The following PITPNC1 variants were observed in gnomAD, a reference collection of about 807,000 sequenced individuals.
PITPNC1 encodes the protein cytoplasmic phosphatidylinositol transfer protein 1.
Under a neutral mutation model 44.7 loss-of-function variants are expected in PITPNC1, and 18 were observed. The ratio of observed to expected loss-of-function variants is 0.40; its 90% CI spans 0.28 to 0.60. PITPNC1 has a LOEUF of 0.60. Ranked by LOEUF, PITPNC1 falls within the 20% of genes least tolerant of loss-of-function variation. The probability of loss-of-function intolerance (pLI) is 0.39; values close to 1 mark genes in which losing one functional copy is unlikely to be tolerated. For synonymous variants in PITPNC1, 141 were observed against 149.6 expected, an observed-to-expected ratio of 0.94 and a Z score of 0.42; for missense variants, 290 against 418.4, an observed-to-expected ratio of 0.69 and a Z score of 2.68.
chr17:67,389,550 T>C (rs1319117584), intron 1 of PITPNC1, among the ~76,000 whole-genome samples: 2 of 152,198 alleles, frequency 1.3e-5, no homozygotes, highest in South Asian at 2.1e-4. Flanking sequence ...CAGAGGACAC[T>C]GGAGAGGTTT....
At chr17:67,483,078 T>G (rs1232616699) in intron 1 of PITPNC1, among the ~76,000 whole-genome samples, 1 of 152,196 alleles carries the variant, frequency 6.6e-6, no homozygotes, top group Non-Finnish European at 1.5e-5. Flanking sequence ...CCTCCTGATC[T>G]GCAGGAGTGA....
intron 1 of PITPNC1, among the ~76,000 whole-genome samples, chr17:67,433,964 G>C (rs554281134): frequency 6.6e-6 from 1 of 152,242 alleles, no homozygotes; most frequent in East Asian, 1.9e-4. Flanking sequence ...AGAGGTACAG[G>C]CTGGATGGGA....
At chr17:67,386,731 T>C (rs780776658) in intron 1 of PITPNC1, among the ~76,000 whole-genome samples, 55 of 152,188 alleles carry the variant, frequency 3.6e-4, no homozygotes, top group Non-Finnish European at 5.9e-4. Context: ...CTGGCTTGTG[T>C]GGGCTTTGGC....
intron 6 of PITPNC1, among the ~76,000 whole-genome samples, chr17:67,655,645 A>G (rs568276603): frequency 1.3e-5 from 2 of 151,656 alleles, no homozygotes; most frequent in South Asian, 2.1e-4. Flanking sequence ...TTAAGTTTCA[A>G]CATATGGGTT....
chr17:67,457,199 G>T (rs2039266679), intron 1 of PITPNC1: 1 of 152,178 alleles, frequency 6.6e-6, no homozygotes, highest in Middle Eastern at 3.4e-3. Flanking sequence ...TTGGAATAGT[G>T]CACTACAGCC....
At chr17:67,429,308 G>A (rs570940216) in intron 1 of PITPNC1, among the ~76,000 whole-genome samples, 2 of 152,302 alleles carry the variant, frequency 1.3e-5, no homozygotes, top group South Asian at 4.1e-4. Flanking sequence ...TAGGACAGTG[G>A]TTGCCAGTCT....
intron 1 of PITPNC1, among the ~76,000 whole-genome samples, chr17:67,499,935 A>G (rs1402518002): frequency 1.3e-5 from 2 of 152,214 alleles, no homozygotes; most frequent in Non-Finnish European, 2.9e-5. Context: ...ATCTGTTCTT[A>G]GTTCTTCCAT....
chr17:67,547,312 T>A (rs748211779), intron 2 of PITPNC1, among the ~76,000 whole-genome samples: 2 of 152,144 alleles, frequency 1.3e-5, no homozygotes, highest in Non-Finnish European at 2.9e-5. Flanking sequence ...CCCAGGAGTT[T>A]GATTCCAGTC....
intron 5 of PITPNC1, among the ~76,000 whole-genome samples, chr17:67,590,998 C>T (rs2041384272): frequency 6.6e-6 from 1 of 151,700 alleles, no homozygotes; most frequent in Non-Finnish European, 1.5e-5. Flanking sequence ...TTACAATAGA[C>T]ATACCTGGTG....
chr17:67,543,807 T>C (rs1210966338), intron 2 of PITPNC1, among the ~76,000 whole-genome samples: 1 of 152,230 alleles, frequency 6.6e-6, no homozygotes, highest in East Asian at 1.9e-4. Context: ...ATATTTGGTA[T>C]ATGAGTACTA....
At chr17:67,664,655 G>A (rs2042396331) in intron 6 of PITPNC1, among the ~76,000 whole-genome samples, 1 of 152,182 alleles carries the variant, frequency 6.6e-6, no homozygotes, top group Admixed American at 6.5e-5. Context: ...TGTAATGCCA[G>A]CACTTCGGGA....
chr17:67,598,465 C>T (rs985725080), intron 5 of PITPNC1, among the ~76,000 whole-genome samples: 8 of 152,160 alleles, frequency 5.3e-5, no homozygotes, highest in Admixed American at 3.9e-4. Context: ...TCCTAATCAC[C>T]GCAAGGTGAT....
intron 6 of PITPNC1, among the ~76,000 whole-genome samples, chr17:67,657,991 G>T (rs2042292665): frequency 6.6e-6 from 1 of 152,226 alleles, no homozygotes; most frequent in Non-Finnish European, 1.5e-5. Flanking sequence ...AGCTGTCATT[G>T]ACTGAAGAAA....
At chr17:67,412,337 T>G (rs1206111484) in intron 1 of PITPNC1, among the ~76,000 whole-genome samples, 1 of 151,856 alleles carries the variant, frequency 6.6e-6, no homozygotes, top group African/African-American at 2.4e-5. Flanking sequence ...AAGTAGATAC[T>G]GACAAAACTA....
chr17:67,581,363 T>G (rs2041231759), intron 5 of PITPNC1, among the ~76,000 whole-genome samples: 1 of 152,210 alleles, frequency 6.6e-6, no homozygotes, highest in Non-Finnish European at 1.5e-5. Context: ...TTGGACACAG[T>G]TTGCTTCCTC....
intron 8 of PITPNC1, chr17:67,687,112 A>G (rs745587563): frequency 3.5e-5 from 57 of 1,612,518 alleles, no homozygotes; most frequent in Non-Finnish European, 4.8e-5. Flanking sequence ...ACATGCATGA[A>G]CAAACCAACA....
intron 1 of PITPNC1, among the ~76,000 whole-genome samples, chr17:67,438,948 C>A (rs2143915619): frequency 6.6e-6 from 1 of 152,292 alleles, no homozygotes; most frequent in East Asian, 1.9e-4. Context: ...AAAGGGACTG[C>A]AATTGAGCAC....
intron 7 of PITPNC1, among the ~76,000 whole-genome samples, chr17:67,673,589 T>C (rs960842558): frequency 1.6e-4 from 25 of 152,170 alleles, no homozygotes; most frequent in African/African-American, 6.0e-4. Context: ...CCCCCTCTTC[T>C]ATTACATGAA....
intron 1 of PITPNC1, among the ~76,000 whole-genome samples, chr17:67,453,252 G>C (rs570047014): frequency 6.6e-6 from 1 of 152,312 alleles, no homozygotes; most frequent in South Asian, 2.1e-4. Context: ...TGAGGTACCA[G>C]TCAAATCTCT....
Sources: gnomAD v4.1 joint callset for allele counts (sites outside exome capture counted in the v4.1 genomes callset) on GRCh38, gnomAD v4.1.1 for gene constraint, MANE v1.5 for transcripts, NCBI Gene and HGNC (gene_info 2026-07-23, HGNC 2026-07-21) for gene names.